Variants in WDPCP observed in about 807,000 individuals in gnomAD.
WDPCP encodes the protein WD repeat containing planar cell polarity effector.
Under a neutral mutation model 93.1 loss-of-function variants are expected in WDPCP, and 71 were observed. That is an observed-to-expected ratio of 0.76 (90% CI 0.63 to 0.93). WDPCP has a LOEUF of 0.93. Ranked by LOEUF, WDPCP falls within the 40% of genes least tolerant of loss-of-function variation. The probability of loss-of-function intolerance (pLI) is 0.00; values close to 1 mark genes in which losing one functional copy is unlikely to be tolerated. For synonymous variants in WDPCP, 315 were observed against 315.0 expected (o/e 1.00, Z 0.00); for missense variants, 844 against 887.4 (o/e 0.95, Z 0.62).
chr2:63,236,992 T>C (rs935814081), intron 14 of WDPCP, among the ~76,000 whole-genome samples: 1 of 152,000 alleles, frequency 6.6e-6, no homozygotes, highest in Non-Finnish European at 1.5e-5. Flanking sequence ...CGGGACCTGC[T>C]TAAACTAAAG....
chr2:63,709,811 CAG>C (rs1669233220), intron 2 of WDPCP, among the ~76,000 whole-genome samples: 1 of 152,114 alleles, frequency 6.6e-6, no homozygotes, highest in Non-Finnish European at 1.5e-5. Context: ...TATTCAGGAG[CAG>C]AGAGTTACAA....
chr2:63,276,421 G>A (rs892762190), intron 13 of WDPCP, among the ~76,000 whole-genome samples: 1 of 152,118 alleles, frequency 6.6e-6, no homozygotes, highest in Non-Finnish European at 1.5e-5. Flanking sequence ...TAATTATTAA[G>A]CTAATCAAGG....
chr2:63,553,076 A>G (rs1272128097), intron 1 of WDPCP, among the ~76,000 whole-genome samples: 2 of 152,216 alleles, frequency 1.3e-5, no homozygotes, highest in Non-Finnish European at 2.9e-5. Context: ...ACTCACTGAC[A>G]CTTGGGGAAA....
At position 63,323,208 on chromosome 2, in the gene WDPCP, C is replaced by G. The variant is rs555166513; in HGVS notation, c.1749-9897G>C. On this transcript the variant is annotated intron_variant, in intron 12 of 17. Transcript: ENST00000272321. ...TTCTATCTACCCTGACCATTGCCCC[C>G]TGGGTCCTAACGCCTGCCAGACAAA... Among the ~76,000 whole-genome samples, 6 of 152,342 alleles carry G rather than the reference C, an allele frequency of 3.9e-5. No individual in the cohort carries two copies. The East Asian group carries it at 1.2e-3, about 29-fold the overall frequency.
chr2:63,571,184 T>A (rs1462792983), intron 1 of WDPCP, among the ~76,000 whole-genome samples: 1 of 152,186 alleles, frequency 6.6e-6, no homozygotes, highest in Non-Finnish European at 1.5e-5. Context: ...GTGCTGGGAT[T>A]ACAGGCATAA....
At chr2:63,803,014 C>T (rs993862052) in intron 2 of WDPCP, among the ~76,000 whole-genome samples, 2 of 152,116 alleles carry the variant, frequency 1.3e-5, no homozygotes, top group African/African-American at 4.8e-5. Context: ...TATAGCATTT[C>T]TAGAGACCCT....
chr2:63,612,526 A>G (rs1489032361), intron 3 of WDPCP, among the ~76,000 whole-genome samples: 1 of 152,216 alleles, frequency 6.6e-6, no homozygotes, highest in African/African-American at 2.4e-5. Flanking sequence ...CTCCTAGGGA[A>G]GTTTCATGAC....
In WDPCP at chr2:63,313,263, A is replaced by G. The variant is rs1204889782; in HGVS notation, c.1797T>C (p.Ala599=). ...KAFLLAVDVG[A]RDLFMDIHYL... ...AATGACTCACCATAAAGAGGTCACG[A>G]GCACCAACGTCAACAGCTAGGAGAA... The change falls in exon 13 of 18, where the codon GCT becomes GCC. Residue 599 remains alanine (A), a synonymous_variant. Transcript: ENST00000272321. 3.1e-6 allele frequency: 5 copies of G among 1,613,808 alleles called. 1 individual carries two copies. In the South Asian group the frequency reaches 5.5e-5, roughly 18 times the overall value.
intron 1 of WDPCP, among the ~76,000 whole-genome samples, chr2:63,498,091 T>C (rs1241727119): frequency 6.6e-6 from 1 of 152,108 alleles, no homozygotes; most frequent in African/African-American, 2.4e-5. Context: ...TAGCAAGTTG[T>C]CCAACTATTA....
At chr2:63,221,193 G>T (rs930470840) in intron 14 of WDPCP, among the ~76,000 whole-genome samples, 4 of 152,154 alleles carry the variant, frequency 2.6e-5, no homozygotes, top group Non-Finnish European at 5.9e-5. Flanking sequence ...CAGGAGTGTT[G>T]TCTATATCAT....
At chr2:63,447,950 T>C (rs916074550) in intron 6 of WDPCP, among the ~76,000 whole-genome samples, 1 of 152,166 alleles carries the variant, frequency 6.6e-6, no homozygotes, top group Admixed American at 6.5e-5. Context: ...TTTTACTATA[T>C]ATCTATTTGT....
Position 63,152,920 on chromosome 2 carries a change from T to C in WDPCP, c.2184A>G (p.Arg728=). The change falls in exon 17 of 18, where the codon AGA becomes AGG. Residue 728 remains arginine, a synonymous_variant. Coordinates refer to ENST00000272321, the MANE Select transcript of WDPCP (RefSeq NM_015910.7). The part of the protein sequence containing the change: ...AEDGELREDG[R]EQEIRDGGSL... ...AACAGAGAAAGTGTTTTACCTGTTC[T>C]CTGCCGTCTTCTCTCAGTTCTCCGT... is the stretch of plus-strand genomic sequence containing the variant. 6.2e-7 allele frequency: 1 copy of C among 1,612,044 alleles called. No homozygotes were observed. Among genetic ancestry groups the C allele is most frequent in the Non-Finnish European group, 8.5e-7 (1 of 1,178,350 alleles).
chr2:63,482,546 T>C (rs1700330149), intron 6 of WDPCP, among the ~76,000 whole-genome samples: 1 of 152,016 alleles, frequency 6.6e-6, no homozygotes, highest in African/African-American at 2.4e-5. Context: ...GCTAATAACG[T>C]AGCTTGAACA....
At chr2:63,637,862 A>G (rs541863072) in intron 3 of WDPCP, among the ~76,000 whole-genome samples, 1 of 152,348 alleles carries the variant, frequency 6.6e-6, no homozygotes, top group South Asian at 2.1e-4. Context: ...TAGCTACTAT[A>G]GAAAACAGTA....
chr2:63,545,813 C>T (rs569169222), intron 1 of WDPCP, among the ~76,000 whole-genome samples: 2 of 150,970 alleles, frequency 1.3e-5, no homozygotes, highest in Non-Finnish European at 2.9e-5. Context: ...CTACAAAGGG[C>T]TCTTCCAGCC....
intron 2 of WDPCP, among the ~76,000 whole-genome samples, chr2:63,785,404 T>C (rs1249088640): frequency 6.6e-6 from 1 of 152,088 alleles, no homozygotes; most frequent in Non-Finnish European, 1.5e-5. Flanking sequence ...AAGGGTAGTG[T>C]CATTTTTTTT....
chr2:63,155,443 T>A (rs899682605), intron 15 of WDPCP, among the ~76,000 whole-genome samples: 8 of 152,178 alleles, frequency 5.3e-5, no homozygotes, highest in African/African-American at 1.9e-4. Flanking sequence ...GCTGGGCATA[T>A]TTATATGGGT....
chr2:63,622,474 T>G, intron 3 of WDPCP: 1 of 1,613,948 alleles, frequency 6.2e-7, no homozygotes, highest in East Asian at 2.2e-5. Context: ...CAGCCGCTGT[T>G]GTCAGAGTTC....
intron 2 of WDPCP, among the ~76,000 whole-genome samples, chr2:63,705,186 TC>T (rs1392499717): frequency 6.6e-6 from 1 of 152,190 alleles, no homozygotes; most frequent in Non-Finnish European, 1.5e-5. Flanking sequence ...GATTCTTCTC[TC>T]TTTTCTTCTT....
Sources: gnomAD v4.1 joint callset for allele counts (sites outside exome capture counted in the v4.1 genomes callset) on GRCh38, gnomAD v4.1.1 for gene constraint, MANE v1.5 for transcripts, NCBI Gene and HGNC (gene_info 2026-07-23, HGNC 2026-07-21) for gene names.